The following MYO5A variants were observed in gnomAD, a reference collection of about 807,000 sequenced individuals.
MYO5A encodes the protein unconventional myosin-Va.
MYO5A carries 98 observed loss-of-function variants against 249.7 expected under a neutral mutation model. The observed-to-expected ratio is 0.39, with a 90% CI of 0.33 to 0.46. MYO5A has a LOEUF of 0.46. Among genes scored for constraint, MYO5A ranks in the 20% least tolerant of loss-of-function variants. MYO5A has a pLI of 0.98. For missense variants in MYO5A, 1,696 were observed against 2,308.8 expected, an observed-to-expected ratio of 0.73 and a Z score of 5.44; for synonymous variants, 778 against 810.6, an observed-to-expected ratio of 0.96 and a Z score of 0.68.
At chr15:52,472,364 C>A (rs117091133) in intron 1 of MYO5A, among the ~76,000 whole-genome samples, 2,118 of 152,234 alleles carry the variant, frequency 0.014, 23 homozygotes, top group Non-Finnish European at 0.022. Context: ...CAGGCTTGAG[C>A]CATCGCGACT....
rs1200376729 is a variant in MYO5A, at chr15:52,376,400, C to T, written c.2367G>A (p.Met789Ile). Residue 789 changes from methionine to isoleucine, a missense_variant, in exon 19 of 42, where the codon ATG (methionine) becomes ATA (isoleucine). Met to Ile is a conservative substitution (Grantham distance 10). Coordinates refer to ENST00000399233, the MANE Select transcript of MYO5A (RefSeq NM_001382347.1). ...GWLLRKKYLR[M>I]RKAAITMQRY... ...TCTGCATGGTGATGGCTGCCTTCCGCATGCGTAGGTACTTCTTTCTCAGCA... is the reference window on the plus strand; with the variant it reads ...TCTGCATGGTGATGGCTGCCTTCCGTATGCGTAGGTACTTCTTTCTCAGCA... 6.2e-7 allele frequency: 1 copy of T among 1,614,158 alleles called. No homozygotes were observed. The highest frequency in any genetic ancestry group is 8.5e-7 in the Non-Finnish European group (1 of 1,180,026).
At chr15:52,321,129 G>A (rs2038288756) in intron 38 of MYO5A, among the ~76,000 whole-genome samples, 1 of 152,174 alleles carries the variant, frequency 6.6e-6, no homozygotes, top group Admixed American at 6.5e-5. Flanking sequence ...TAAACATTAG[G>A]GAAGGAAACC....
intron 1 of MYO5A, among the ~76,000 whole-genome samples, chr15:52,484,357 A>G (rs1201524299): frequency 1.3e-5 from 2 of 152,220 alleles, no homozygotes; most frequent in African/African-American, 4.8e-5. Context: ...GAAAATAAGA[A>G]TGTGGATCTG....
chr15:52,342,623 A>C (rs1169766752), intron 31 of MYO5A, among the ~76,000 whole-genome samples: 2 of 152,168 alleles, frequency 1.3e-5, no homozygotes, highest in Non-Finnish European at 2.9e-5. Context: ...GTTTTTAAAG[A>C]AGGTGTTTGG....
In MYO5A at chr15:52,317,230, A is replaced by G; in HGVS notation, c.5235-8T>C. ...AGTTGACTGACATTGTACCTATGAA[A>G]AAAAAGAGATACAGAGAATGCAAAT... is the stretch of plus-strand genomic sequence containing the variant. On this transcript the variant is annotated splice_polypyrimidine_tract_variant and splice_region_variant and intron_variant, in intron 39 of 41. Transcript: ENST00000399233. 6.2e-7 allele frequency: 1 copy of G among 1,613,420 alleles called. No homozygotes were observed. The highest frequency in any genetic ancestry group is 8.5e-7 in the Non-Finnish European group (1 of 1,179,928).
chr15:52,317,826 A>G (rs1269625866), intron 39 of MYO5A, among the ~76,000 whole-genome samples: 1 of 152,230 alleles, frequency 6.6e-6, no homozygotes, highest in Admixed American at 6.5e-5. Context: ...CAAACTACAA[A>G]GACATTGTAG....
rs562289333 is a variant in MYO5A, at chr15:52,412,099, G to A, written c.613-1623C>T. On this transcript the variant is annotated intron_variant, in intron 5 of 41. Coordinates refer to ENST00000399233, the MANE Select transcript of MYO5A (RefSeq NM_001382347.1). ...TTCTCTCAACACAATATATTCTTCC[G>A]AAGAGCAAATGAAAGATTACATGTA... Among the ~76,000 whole-genome samples, 9 of 152,216 alleles carry A rather than the reference G, an allele frequency of 5.9e-5. No homozygotes were observed. The South Asian group carries it at 6.2e-4, about 11-fold the overall frequency.
At chr15:52,494,783 G>A (rs1227260290) in intron 1 of MYO5A, among the ~76,000 whole-genome samples, 2 of 152,180 alleles carry the variant, frequency 1.3e-5, no homozygotes, top group Non-Finnish European at 2.9e-5. Flanking sequence ...ATGAGCCACT[G>A]TGCCTGGCCT....
chr15:52,434,186 G>C (rs940967532), intron 1 of MYO5A, among the ~76,000 whole-genome samples: 7 of 151,796 alleles, frequency 4.6e-5, no homozygotes, highest in Admixed American at 3.3e-4. Flanking sequence ...TTTTAGTAGA[G>C]ACGGGGTTTC....
intron 2 of MYO5A, among the ~76,000 whole-genome samples, chr15:52,431,293 C>T (rs1336689308): frequency 3.4e-5 from 5 of 146,766 alleles, no homozygotes; most frequent in African/African-American, 1.0e-4. Context: ...TTTGGGAGGA[C>T]GAGGTAAAAC....
chr15:52,345,956 T>C (rs1234191731), intron 30 of MYO5A, among the ~76,000 whole-genome samples: 1 of 152,190 alleles, frequency 6.6e-6, no homozygotes, highest in Non-Finnish European at 1.5e-5. Flanking sequence ...ACCTCATCAC[T>C]TCTTTTCACT....
At chr15:52,370,799 G>A (rs780010007) in intron 21 of MYO5A, among the ~76,000 whole-genome samples, 3 of 152,064 alleles carry the variant, frequency 2.0e-5, no homozygotes, top group Non-Finnish European at 2.9e-5. Flanking sequence ...TGATGCGTAC[G>A]AATGATTAAA....
At chr15:52,479,098 C>A (rs768598864) in intron 1 of MYO5A, among the ~76,000 whole-genome samples, 29 of 151,942 alleles carry the variant, frequency 1.9e-4, no homozygotes, top group Non-Finnish European at 3.1e-4. Flanking sequence ...TGGGTTCAAG[C>A]AATTCTCCTG....
chr15:52,318,994 T>G (rs1008106209), intron 39 of MYO5A, 66 bp downstream of exon 39: 1 of 1,580,686 alleles, frequency 6.3e-7, no homozygotes. Context: ...TCATCAGCTC[T>G]CCACAACCCT....
At chr15:52,335,780 T>C (rs1376988398) in intron 34 of MYO5A, among the ~76,000 whole-genome samples, 11 of 152,160 alleles carry the variant, frequency 7.2e-5, no homozygotes, top group Admixed American at 6.6e-4. Context: ...TTTACTTCTC[T>C]ATTTTTCCTC....
intron 31 of MYO5A, among the ~76,000 whole-genome samples, chr15:52,341,852 G>C (rs532470114): frequency 3.3e-5 from 5 of 152,218 alleles, no homozygotes; most frequent in African/African-American, 1.2e-4. Context: ...CACTAGAGCA[G>C]ATGAATGTCT....
In MYO5A at chr15:52,521,696, G is replaced by C. The variant is rs77774669; in HGVS notation, c.27+7084C>G. On this transcript the variant is annotated intron_variant, in intron 1 of 41. Transcript: ENST00000399233. ...CTACAATTGGCAAAAAGCCTTTGCTGTACAAGGAGATATTTAACGCTAATG... is the reference window on the plus strand; with the variant it reads ...CTACAATTGGCAAAAAGCCTTTGCTCTACAAGGAGATATTTAACGCTAATG... Among the ~76,000 whole-genome samples the C allele has an allele frequency of 5.7e-3, 861 of 152,328 alleles. 7 individuals carry two copies. Among genetic ancestry groups the C allele is most frequent in the African/African-American group, 0.02 (821 of 41,568 alleles).
chr15:52,379,318 T>C (rs1305616151), intron 18 of MYO5A, among the ~76,000 whole-genome samples: 1 of 152,252 alleles, frequency 6.6e-6, no homozygotes, highest in Non-Finnish European at 1.5e-5. Context: ...TTATTTTTTC[T>C]TAATCACACA....
intron 11 of MYO5A, among the ~76,000 whole-genome samples, chr15:52,395,566 C>A (rs532247879): frequency 7.2e-5 from 11 of 152,296 alleles, no homozygotes; most frequent in African/African-American, 2.6e-4. Flanking sequence ...ACATTATGGA[C>A]CCTTTACATA....
Sources: allele counts gnomAD v4.1 joint callset (sites outside exome capture counted in the v4.1 genomes callset), GRCh38; gene constraint gnomAD v4.1.1; transcripts MANE v1.5; gene names NCBI Gene and HGNC (gene_info 2026-07-23, HGNC 2026-07-21).